VTI1A: variants seen among roughly 807,000 people sequenced by gnomAD.
VTI1A encodes vesicle transport through interaction with t-SNAREs 1A.
In VTI1A, 22 loss-of-function variants were observed where a neutral mutation model predicts 34.9. The ratio of observed to expected loss-of-function variants is 0.63; its 90% CI spans 0.45 to 0.90. The LOEUF (loss-of-function observed/expected upper bound fraction) is 0.90. Among genes scored for constraint, VTI1A ranks in the 40% least tolerant of loss-of-function variants. The probability of loss-of-function intolerance (pLI) is 0.00; values close to 1 mark genes in which losing one functional copy is unlikely to be tolerated. For synonymous variants in VTI1A, 87 were observed against 97.3 expected, an observed-to-expected ratio of 0.89 and a Z score of 0.62; for missense variants, 268 against 275.6, an observed-to-expected ratio of 0.97 and a Z score of 0.20.
At chr10:112,656,758 T>G (rs1446261201) in intron 5 of VTI1A, among the ~76,000 whole-genome samples, 1 of 152,120 alleles carries the variant, frequency 6.6e-6, no homozygotes, top group South Asian at 2.1e-4. Context: ...CTGCGGGATA[T>G]TTCTTAAAAC....
chr10:112,773,443 A>C (rs185778836), intron 7 of VTI1A, among the ~76,000 whole-genome samples: 8 of 152,348 alleles, frequency 5.3e-5, no homozygotes, highest in Admixed American at 3.9e-4. Flanking sequence ...CTGGAGTTCC[A>C]CACAACCACA....
At chr10:112,849,409 TAGGGAGCTGG>T in the VTI1A span, among the ~76,000 whole-genome samples, 5 of 152,130 alleles carry the variant, frequency 3.3e-5, no homozygotes, top group Admixed American at 2.0e-4. Context: ...ACGACCCCTC[TAGGGAGCTGG>T]AGCCTGGGGC....
chr10:112,667,602 C>G (rs1847688818), intron 5 of VTI1A, among the ~76,000 whole-genome samples: 1 of 152,166 alleles, frequency 6.6e-6, no homozygotes, highest in Admixed American at 6.5e-5. Context: ...AGCATGAGCT[C>G]TCTTCAACTA....
chr10:112,473,471 T>G (rs1183703912), intron 3 of VTI1A, among the ~76,000 whole-genome samples: 1 of 152,196 alleles, frequency 6.6e-6, no homozygotes, highest in Non-Finnish European at 1.5e-5. Flanking sequence ...ATATTCTTGA[T>G]CATTTTAATG....
At chr10:112,448,040 AAAT>A (rs1404034336) in intron 1 of VTI1A, among the ~76,000 whole-genome samples, 10 of 145,562 alleles carry the variant, frequency 6.9e-5, no homozygotes, top group African/African-American at 2.8e-4. Context: ...CGTCTCAAAT[AAAT>A]AAATAAAATA....
At chr10:112,473,495 T>C (rs991021557) in intron 3 of VTI1A, among the ~76,000 whole-genome samples, 3 of 152,198 alleles carry the variant, frequency 2.0e-5, no homozygotes, top group Admixed American at 2.0e-4. Flanking sequence ...GCATAATATT[T>C]CCTTGAGTGA....
chr10:112,730,280 G>A (rs1417664739), intron 7 of VTI1A, among the ~76,000 whole-genome samples: 1 of 152,202 alleles, frequency 6.6e-6, no homozygotes, highest in East Asian at 1.9e-4. Flanking sequence ...GACTTGGCTA[G>A]AACCTGAGTT....
chr10:112,500,273 A>G (rs1347289555), intron 3 of VTI1A, among the ~76,000 whole-genome samples: 2 of 152,040 alleles, frequency 1.3e-5, no homozygotes, highest in Non-Finnish European at 2.9e-5. Context: ...CGTCTCTACT[A>G]CAAATACAAA....
chr10:112,527,085 A>G lies in VTI1A; in HGVS notation c.265-2A>G. The G allele has an allele frequency of 6.2e-7, 1 of 1,612,592 alleles. No individual in the cohort carries two copies. Among genetic ancestry groups the G allele is most frequent in the South Asian group, 1.1e-5 (1 of 90,782 alleles). On this transcript the variant is annotated splice_acceptor_variant, in intron 3 of 7. Transcript: ENST00000393077. LOFTEE classifies it high-confidence loss of function. ...TCTCTCCCTTTTTGTTTTGTTTTAT[A>G]GAAAAGGTCACGGATCGCCTACAGT...
chr10:112,448,516 CTA>C (rs1393038235), intron 1 of VTI1A: 1 of 152,178 alleles, frequency 6.6e-6, no homozygotes, highest in Non-Finnish European at 1.5e-5. Context: ...TCTTTTGTAA[CTA>C]TGGTTTGTAC....
At chr10:112,616,019 G>A (rs1212654302) in intron 5 of VTI1A, among the ~76,000 whole-genome samples, 1 of 152,154 alleles carries the variant, frequency 6.6e-6, no homozygotes, top group Non-Finnish European at 1.5e-5. Flanking sequence ...AAGCATCAAA[G>A]TTCTCAACCT....
At chr10:112,481,266 T>C (rs1848450033) in intron 3 of VTI1A, among the ~76,000 whole-genome samples, 1 of 152,210 alleles carries the variant, frequency 6.6e-6, no homozygotes, top group Admixed American at 6.5e-5. Context: ...TTCCTTTCAG[T>C]GTAAAGTTAG....
chr10:112,802,393 C>T (rs776074672), intron 7 of VTI1A, among the ~76,000 whole-genome samples: 6 of 152,206 alleles, frequency 3.9e-5, no homozygotes, highest in Non-Finnish European at 7.4e-5. Context: ...GTATGCCATA[C>T]GGTGGTAGAA....
chr10:112,611,778 GT>G (rs1341410323), intron 5 of VTI1A, among the ~76,000 whole-genome samples: 1 of 111,890 alleles, frequency 8.9e-6, no homozygotes, highest in Non-Finnish European at 1.8e-5. Context: ...GTCTCGCTCT[GT>G]CGCCCAGGCT....
intron 7 of VTI1A, among the ~76,000 whole-genome samples, chr10:112,794,435 C>G (rs989110198): frequency 5.3e-5 from 8 of 151,918 alleles, no homozygotes; most frequent in Non-Finnish European, 1.0e-4. Flanking sequence ...GCCTGTGGTC[C>G]CAGCTACTCA....
At chr10:112,591,055 T>G (rs1324626617) in intron 5 of VTI1A, among the ~76,000 whole-genome samples, 1 of 151,862 alleles carries the variant, frequency 6.6e-6, no homozygotes, top group East Asian at 1.9e-4. Flanking sequence ...GAGCCGAGAT[T>G]GCATCACTGC....
the VTI1A span, among the ~76,000 whole-genome samples, chr10:112,829,304 C>T: frequency 6.6e-5 from 10 of 151,910 alleles, no homozygotes; most frequent in Admixed American, 1.3e-4. Context: ...ATTAGCCGAG[C>T]GTGGTGGCAG....
chr10:112,635,355 G>C (rs772085789), intron 5 of VTI1A, among the ~76,000 whole-genome samples: 1 of 152,320 alleles, frequency 6.6e-6, no homozygotes, highest in Admixed American at 6.5e-5. Flanking sequence ...GGATTGTACG[G>C]ATTGGAGATT....
chr10:112,728,221 CAT>C (rs1167274361), intron 7 of VTI1A, among the ~76,000 whole-genome samples: 1 of 151,740 alleles, frequency 6.6e-6, no homozygotes, highest in Non-Finnish European at 1.5e-5. Flanking sequence ...GATTCAGAAA[CAT>C]TATCTGCTAA....
Sources: allele counts gnomAD v4.1 joint callset (sites outside exome capture counted in the v4.1 genomes callset), GRCh38; gene constraint gnomAD v4.1.1; transcripts MANE v1.5; gene names NCBI Gene and HGNC (gene_info 2026-07-23, HGNC 2026-07-21).